Variants in LHX9 observed in about 807,000 individuals in gnomAD.
The protein encoded by LHX9 is LIM homeobox 9.
Under a neutral mutation model 36.5 loss-of-function variants are expected in LHX9, and 9 were observed. The ratio of observed to expected loss-of-function variants is 0.25; its 90% confidence interval spans 0.15 to 0.43. The LOEUF (loss-of-function observed/expected upper bound fraction) is 0.43. Among genes scored for constraint, LHX9 ranks in the 20% least tolerant of loss-of-function variants. The probability of loss-of-function intolerance (pLI) is 1.00; values close to 1 mark genes in which losing one functional copy is unlikely to be tolerated. For missense variants in LHX9, 464 were observed against 526.4 expected, an observed-to-expected ratio of 0.88 and a Z score of 1.16; for synonymous variants, 211 against 212.1, an observed-to-expected ratio of 0.99 and a Z score of 0.04.
In LHX9 at chr1:197,917,734, CCTCGAGCGTCT is replaced by C. The variant is rs1659815288; in HGVS notation, c.-87_-77del. 1.3e-6 allele frequency: 2 copies of C among 1,599,646 alleles called. No homozygotes were observed. The highest frequency in any genetic ancestry group is 4.5e-5 in the East Asian group (2 of 44,780). On this transcript the variant is annotated 5_prime_UTR_variant, in exon 1 of 5. Coordinates refer to ENST00000367387, the MANE Select transcript of LHX9 (RefSeq NM_020204.3). Reference sequence around the variant, plus strand: ...CCTTTCTCTCCCTCTTTCCCTCCATCCTCGAGCGTCTCTGCGCTCCTACAGGGCAGCCCTCT... The same window carrying C: ...CCTTTCTCTCCCTCTTTCCCTCCATCCTGCGCTCCTACAGGGCAGCCCTCT...
rs1659806586 is a variant in LHX9 at position 197,917,589 on chromosome 1, T to C, written c.-235T>C. On this transcript the variant is annotated 5_prime_UTR_variant, in exon 1 of 5. Transcript: ENST00000367387. Reference sequence around the variant, plus strand: ...TCTTTTTCCCTCCGCCCGAATTGTTTGTTTTCTGCACATCTCCTTCAGGGA... The same window carrying C: ...TCTTTTTCCCTCCGCCCGAATTGTTCGTTTTCTGCACATCTCCTTCAGGGA... 1 of 1,507,198 alleles carries C rather than the reference T, an allele frequency of 6.6e-7. No homozygotes were observed. Among genetic ancestry groups the C allele is most frequent in the Non-Finnish European group, 8.9e-7 (1 of 1,123,504 alleles). The allele number at this position is 1,507,198 out of a possible 1,614,324, so 93.4% of individuals were successfully genotyped here. A position where few individuals can be genotyped will look rare whatever the true frequency, so the allele number is the denominator to read the frequency against.
In LHX9 at chr1:197,929,953, A is replaced by G; in HGVS notation, c.*694A>G. ...TTTTTACTTGGTTATTTGTTTTTCAACATTTGAAAAATACTTAAGCTCCCT... is the reference window on the plus strand; with the variant it reads ...TTTTTACTTGGTTATTTGTTTTTCAGCATTTGAAAAATACTTAAGCTCCCT... On this transcript the variant is annotated 3_prime_UTR_variant, in exon 5 of 5. Transcript: ENST00000367387. The G allele has an allele frequency of 1.0e-6, 1 of 984,420 alleles. No homozygotes were observed. Among genetic ancestry groups the G allele is most frequent in the Non-Finnish European group, 1.2e-6 (1 of 828,882 alleles). The allele number at this position is 984,420 out of a possible 1,614,324, so 61.0% of individuals were successfully genotyped here.
In LHX9 at chr1:197,917,679, C is replaced by A. The variant is rs748610036; in HGVS notation, c.-145C>A. 11 of 1,565,014 alleles carry A rather than the reference C, an allele frequency of 7.0e-6. No homozygotes were observed. The highest frequency in any genetic ancestry group is 8.6e-6 in the Non-Finnish European group (10 of 1,161,268). On this transcript the variant is annotated 5_prime_UTR_variant, in exon 1 of 5. Transcript: ENST00000367387. ...GCTTCCCCTCGGCCCCCCAAGCAGA[C>A]CGATTTCCACTCCATCTGTTTCTTC...
At chr1:197,922,353 T>C (rs1331018452) in intron 3 of LHX9, among the ~76,000 whole-genome samples, 3 of 152,262 alleles carry the variant, frequency 2.0e-5, no homozygotes, top group Admixed American at 1.3e-4. Flanking sequence ...AGAGGCTTAG[T>C]GGTATCTCAG....
At chr1:197,919,312 G>A (rs1659891233) in intron 1 of LHX9, among the ~76,000 whole-genome samples, 1 of 152,200 alleles carries the variant, frequency 6.6e-6, no homozygotes, top group Non-Finnish European at 1.5e-5. Flanking sequence ...TAGGGAAAGA[G>A]GGGACTGTAT....
upstream of LHX9, chr1:197,915,947 G>A (rs1315541003): frequency 6.6e-6 from 1 of 151,994 alleles, no homozygotes; most frequent in Non-Finnish European, 1.5e-5. Flanking sequence ...GGCTCCCCCG[G>A]GCGGAGGGAA....
At chr1:197,918,086 G>A (rs1659834549) in intron 1 of LHX9, 89 bp downstream of exon 1, 2 of 1,453,966 alleles carry the variant, frequency 1.4e-6, no homozygotes, top group Non-Finnish European at 1.9e-6. Context: ...GAGAACCGGA[G>A]CGGCGGGTCG....
In LHX9 at chr1:197,919,992, G is replaced by A. The variant is rs754550934; in HGVS notation, c.195G>A (p.Pro65=). The change falls in exon 2 of 5, where the codon CCG becomes CCA. Residue 65 remains proline, a synonymous_variant. Coordinates refer to ENST00000367387, the MANE Select transcript of LHX9 (RefSeq NM_020204.3). ...TGCAGGGCATGCCCCCGCTCAGCCC[G>A]GAGAAGCCCGCCCTGTGCGCCGGCT... ...GRDAGMPPLS[P]EKPALCAGCG... 3.2e-5 allele frequency: 51 copies of A among 1,614,050 alleles called. No individual in the cohort carries two copies. In the South Asian group the frequency reaches 5.3e-4, roughly 17 times the overall value.
upstream of LHX9, among the ~76,000 whole-genome samples, chr1:197,913,866 C>G (rs1304995497): frequency 6.6e-6 from 1 of 152,208 alleles, no homozygotes; most frequent in Non-Finnish European, 1.5e-5. Context: ...CCTTAAGTCA[C>G]CTTTGCTCTC....
Position 197,930,062 on chromosome 1 carries a change from T to G in LHX9, c.*803T>G. The G allele has an allele frequency of 3.1e-6, 3 of 978,460 alleles. No homozygotes were observed. The highest frequency in any genetic ancestry group is 3.6e-6 in the Non-Finnish European group (3 of 823,474). 60.6% of individuals were successfully genotyped at this position (978,460 alleles called of 1,614,324 possible). A position where few individuals can be genotyped will look rare whatever the true frequency, so the allele number is the denominator to read the frequency against. ...CTAAAAACAATAGCTCGGAAACCAT[T>G]CTTTCTAGTTACTTTTTTTCCCAGG... On this transcript the variant is annotated 3_prime_UTR_variant, in exon 5 of 5. Coordinates refer to ENST00000367387, the MANE Select transcript of LHX9 (RefSeq NM_020204.3).
chr1:197,926,382 T>A (rs1660141810), intron 3 of LHX9, among the ~76,000 whole-genome samples: 1 of 152,216 alleles, frequency 6.6e-6, no homozygotes, highest in Non-Finnish European at 1.5e-5. Flanking sequence ...TAAATTTATA[T>A]AACTATCTGA....
Position 197,917,864 on chromosome 1 carries a change from C to T in LHX9, c.41C>T (p.Pro14Leu). 6.2e-7 allele frequency: 1 copy of T among 1,614,260 alleles called. No individual in the cohort carries two copies. Among genetic ancestry groups the T allele is most frequent in the South Asian group, 1.1e-5 (1 of 91,092 alleles). The change falls in exon 1 of 5, where the codon CCT (proline) becomes CTT (leucine). Residue 14 changes from proline to leucine, a missense_variant. Around this residue, in one of 5 missense-constraint regions of LHX9, gnomAD observed 119 missense variants for 102.4 expected, o/e 1.16. Transcript: ENST00000367387. Reference sequence around the variant, plus strand: ...TGCCGAGCAGAAGACAACTCGTGTCCTTTCCGCCCCCCAGCCATGCTCTTT... The same window carrying T: ...TGCCGAGCAGAAGACAACTCGTGTCTTTTCCGCCCCCCAGCCATGCTCTTT... ...VGCRAEDNSC[P>L]FRPPAMLFHG...
Position 197,931,357 on chromosome 1 carries a change from G to A in LHX9, c.*2098G>A, listed in dbSNP as rs976286214. On this transcript the variant is annotated 3_prime_UTR_variant, in exon 5 of 5. Transcript: ENST00000367387. Reference sequence around the variant, plus strand: ...TAAGTGGTCTAGCAAAATTGTCCATGTTTCTTTGTTTATTGATAAATGCAT... The same window carrying A: ...TAAGTGGTCTAGCAAAATTGTCCATATTTCTTTGTTTATTGATAAATGCAT... 2.0e-5 allele frequency: 3 copies of A among 151,930 alleles called. No individual in the cohort carries two copies. The highest frequency in any genetic ancestry group is 4.4e-5 in the Non-Finnish European group (3 of 67,842). The allele number at this position is 151,930 out of a possible 1,614,324, so 9.4% of individuals were successfully genotyped here.
At chr1:197,918,495 C>T (rs1413076564) in intron 1 of LHX9, 20 of 661,240 alleles carry the variant, frequency 3.0e-5, no homozygotes, top group Middle Eastern at 7.8e-4. Flanking sequence ...GTTCTCTAGA[C>T]GCTCGGGGCT....
rs74697737 is a variant in LHX9 at position 197,929,226 on chromosome 1, C to T, written c.1161C>T (p.Ser387=). 8,177 of 1,535,984 alleles carry T rather than the reference C, an allele frequency of 5.3e-3. 306 individuals are homozygous for T. The African/African-American group carries it at 0.088, about 17-fold the overall frequency. Reference sequence around the variant, plus strand: ...ACATGGACAGCCACGAATCCGGAAGCCCCTCACAAACTACCTTAACAAACC... The same window carrying T: ...ACATGGACAGCCACGAATCCGGAAGTCCCTCACAAACTACCTTAACAAACC... The part of the protein sequence containing the change: ...TSNMDSHESG[S]PSQTTLTNLF The change falls in exon 5 of 5, where the codon AGC becomes AGT. Residue 387 remains serine, a synonymous_variant. Coordinates refer to ENST00000367387, the MANE Select transcript of LHX9 (RefSeq NM_020204.3).
In LHX9 at chr1:197,917,437, G is replaced by A. The variant is rs771105984; in HGVS notation, c.-387G>A. ...AGCCAGGGAACGCTGAAAATAGCAC[G>A]TCTTTTTCTTTCTTTGTGTTCAAAA... On this transcript the variant is annotated 5_prime_UTR_variant, in exon 1 of 5. Transcript: ENST00000367387. 2 of 1,315,382 alleles carry A rather than the reference G, an allele frequency of 1.5e-6. No homozygotes were observed. The highest frequency in any genetic ancestry group is 2.5e-5 in the South Asian group (2 of 81,072). 81.5% of individuals were successfully genotyped at this position (1,315,382 alleles called of 1,614,324 possible). A position where few individuals can be genotyped will look rare whatever the true frequency, so the allele number is the denominator to read the frequency against.
upstream of LHX9, chr1:197,916,534 C>T: frequency 1.6e-6 from 1 of 615,164 alleles, no homozygotes; most frequent in East Asian, 2.8e-5. Flanking sequence ...CTCCGGCAAC[C>T]TTCCTTCAAA....
chr1:197,926,574 C>T (rs1308599148), intron 3 of LHX9, among the ~76,000 whole-genome samples: 1 of 152,190 alleles, frequency 6.6e-6, no homozygotes, highest in African/African-American at 2.4e-5. Flanking sequence ...TAATGACTTT[C>T]TGGCTGGTTT....
At position 197,932,076 on chromosome 1, in the gene LHX9, C is replaced by CAAAA. The variant is rs34018572; in HGVS notation, c.*2823_*2826dup. ...TCATACATTAAAAAATTTATTAAGC[C>CAAAA]AAAAAAAAAGAGAGAGAGAGAGACT... On this transcript the variant is annotated 3_prime_UTR_variant, in exon 5 of 5. Transcript: ENST00000367387. 1.5e-6 allele frequency: 1 copy of CAAAA among 684,630 alleles called. No individual in the cohort carries two copies. Among genetic ancestry groups the CAAAA allele is most frequent in the African/African-American group, 1.9e-5 (1 of 53,214 alleles). The allele number at this position is 684,630 out of a possible 1,614,324, so 42.4% of individuals were successfully genotyped here.
Sources: allele counts gnomAD v4.1 joint callset (sites outside exome capture counted in the v4.1 genomes callset), GRCh38; gene constraint gnomAD v4.1.1; regional missense constraint gnomAD v4.1.1; transcripts MANE v1.5; gene names NCBI Gene and HGNC (gene_info 2026-07-23, HGNC 2026-07-21).